The following DCP2 variants were observed in gnomAD, a reference collection of about 807,000 sequenced individuals.
DCP2 encodes m7GpppN-mRNA hydrolase.
A neutral mutation model predicts 56.1 loss-of-function variants in DCP2; 30 were observed. That is an observed-to-expected ratio of 0.53 (90% CI 0.40 to 0.73). DCP2 has a LOEUF of 0.73. DCP2 is among the 30% of genes least tolerant of loss of function. The probability of loss-of-function intolerance (pLI) is 0.00; values close to 1 mark genes in which losing one functional copy is unlikely to be tolerated. For missense variants in DCP2, 533 were observed against 502.7 expected, an observed-to-expected ratio of 1.06 and a Z score of -0.58; for synonymous variants, 197 against 163.3, an observed-to-expected ratio of 1.21 and a Z score of -1.57.
rs1005726176 is a variant in DCP2 at position 113,015,206 on chromosome 5, C to T, written c.*1722C>T. The T allele has an allele frequency of 2.0e-5, 3 of 151,902 alleles. No homozygotes were observed. The highest frequency in any genetic ancestry group is 4.8e-5 in the African/African-American group (2 of 41,388). 9.4% of individuals were successfully genotyped at this position (151,902 alleles called of 1,614,324 possible). A position where few individuals can be genotyped will look rare whatever the true frequency, so the allele number is the denominator to read the frequency against. On this transcript the variant is annotated 3_prime_UTR_variant, in exon 11 of 11. Transcript: ENST00000389063. Reference sequence around the variant, plus strand: ...TACGGCTGCTTTGCTTGGGTCTCTTCGAGCCATATTTATAGTTGGTCCCAG... The same window carrying T: ...TACGGCTGCTTTGCTTGGGTCTCTTTGAGCCATATTTATAGTTGGTCCCAG...
intron 1 of DCP2, among the ~76,000 whole-genome samples, chr5:112,978,141 T>C (rs1747810481): frequency 6.6e-6 from 1 of 152,184 alleles, no homozygotes; most frequent in South Asian, 2.1e-4. Context: ...CACACCCGGC[T>C]AATTTTTGTA....
At chr5:113,011,827 A>T (rs1749691237) in intron 10 of DCP2, among the ~76,000 whole-genome samples, 1 of 152,190 alleles carries the variant, frequency 6.6e-6, no homozygotes. Flanking sequence ...TTCTTCTAGG[A>T]ATGCTACAGT....
intron 2 of DCP2, among the ~76,000 whole-genome samples, chr5:112,989,127 A>G (rs1410352718): frequency 6.6e-6 from 1 of 152,210 alleles, no homozygotes; most frequent in Non-Finnish European, 1.5e-5. Context: ...CAGGAAAGGA[A>G]ATGATTACAG....
At chr5:113,008,476 C>CAGAAT (rs1554101555) in intron 9 of DCP2, among the ~76,000 whole-genome samples, 2 of 151,388 alleles carry the variant, frequency 1.3e-5, no homozygotes, top group African/African-American at 4.8e-5. Flanking sequence ...TGACAAATAA[C>CAGAAT]AAAGCAGTTT....
At chr5:113,008,408 TAG>T (rs1749538184) in intron 9 of DCP2, 2 of 161,342 alleles carry the variant, frequency 1.2e-5, no homozygotes, top group South Asian at 2.0e-4. Context: ...TTCAAGTTGA[TAG>T]AGTTTAGAAA....
intron 4 of DCP2, among the ~76,000 whole-genome samples, chr5:113,000,061 C>CA (rs60251393): frequency 0.2 from 18,290 of 89,694 alleles, 1,630 homozygotes; most frequent in Non-Finnish European, 0.23. Context: ...AACTCCATCT[C>CA]AAAAAAAAAA....
At chr5:113,005,087 C>T (rs192773694) in intron 8 of DCP2, among the ~76,000 whole-genome samples, 242 of 151,794 alleles carry the variant, frequency 1.6e-3, no homozygotes, top group South Asian at 2.7e-3. Context: ...CAAGATCGCG[C>T]CATTGCACTC....
chr5:112,980,785 G>T (rs570957071), intron 1 of DCP2, among the ~76,000 whole-genome samples: 1 of 151,994 alleles, frequency 6.6e-6, no homozygotes, highest in Non-Finnish European at 1.5e-5. Flanking sequence ...TTCTATTCCT[G>T]TTGAGGCATT....
At position 112,989,096 on chromosome 5, in the gene DCP2, C is replaced by G. The variant is rs562970078; in HGVS notation, c.206-3025C>G. ...GCAGTGAAGAGAGTAGACTCAGTAT[C>G]TTCAAGAAGATGAGAAAAGACAGGA... On this transcript the variant is annotated intron_variant, in intron 2 of 10. Coordinates refer to ENST00000389063, the MANE Select transcript of DCP2 (RefSeq NM_152624.6). Among the ~76,000 whole-genome samples the G allele has an allele frequency of 1.4e-4, 22 of 152,268 alleles. No individual in the cohort carries two copies. The South Asian group carries it at 4.6e-3, about 32-fold the overall frequency.
chr5:113,001,969 G>A (rs180746832), intron 7 of DCP2, among the ~76,000 whole-genome samples: 4 of 152,302 alleles, frequency 2.6e-5, no homozygotes, highest in Admixed American at 2.0e-4. Context: ...TGTGTTCTTA[G>A]TGTTACTTCT....
Position 112,992,473 on chromosome 5 carries a change from C to CT in DCP2, c.334-188dup, listed in dbSNP as rs893536273. The stretch of plus-strand genomic sequence containing the variant: ...AAAAGTGTCGCTTAATTGTTGAAGA[C>CT]TTTTTTTTTTTAAATGGGCAGAATG... On this transcript the variant is annotated intron_variant, in intron 3 of 10. Transcript: ENST00000389063. Among the ~76,000 whole-genome samples, 252 of 146,724 alleles carry CT rather than the reference C, an allele frequency of 1.7e-3. 2 individuals are homozygous for CT. The highest frequency in any genetic ancestry group is 5.4e-3 in the African/African-American group (215 of 40,162).
rs1561679705 is a variant in DCP2 at position 112,976,895 on chromosome 5, C to A, written c.-39C>A. 1 of 1,611,272 alleles carries A rather than the reference C, an allele frequency of 6.2e-7. No homozygotes were observed. On this transcript the variant is annotated 5_prime_UTR_variant, in exon 1 of 11. Coordinates refer to ENST00000389063, the MANE Select transcript of DCP2 (RefSeq NM_152624.6). ...GCCGTACCGTCAGTCCCCGGCCGCGCGGAGCCGGGATGCACTGTTCCTGCT... is the reference window on the plus strand; with the variant it reads ...GCCGTACCGTCAGTCCCCGGCCGCGAGGAGCCGGGATGCACTGTTCCTGCT...
At chr5:113,013,290 A>C (rs1158052737) in intron 10 of DCP2, 31 bp from the exon 11 acceptor site, 5 of 1,591,766 alleles carry the variant, frequency 3.1e-6, no homozygotes, top group Non-Finnish European at 4.3e-6. Context: ...AAGGTTACTG[A>C]GCTTATTTAT....
At chr5:112,985,344 G>T (rs1253898932) in intron 1 of DCP2, among the ~76,000 whole-genome samples, 3 of 152,174 alleles carry the variant, frequency 2.0e-5, no homozygotes, top group Non-Finnish European at 4.4e-5. Context: ...GTATTTGAAA[G>T]TTTGAACTGA....
chr5:113,003,727 A>T (rs935648506), intron 7 of DCP2, among the ~76,000 whole-genome samples: 1 of 152,236 alleles, frequency 6.6e-6, no homozygotes, highest in Non-Finnish European at 1.5e-5. Context: ...GTATTAATTC[A>T]TTCAAGAAAT....
chr5:112,991,298 C>G (rs1386898850), intron 2 of DCP2, among the ~76,000 whole-genome samples: 1 of 152,098 alleles, frequency 6.6e-6, no homozygotes, highest in African/African-American at 2.4e-5. Flanking sequence ...CATAAATTAT[C>G]ATTTTCTCTA....
chr5:112,988,024 T>C (rs928319568), intron 2 of DCP2, among the ~76,000 whole-genome samples: 1 of 152,118 alleles, frequency 6.6e-6, no homozygotes, highest in African/African-American at 2.4e-5. Flanking sequence ...TGAGCTGAAA[T>C]ACCCTCATTC....
At chr5:113,005,151 G>GGTGTGTGTGTGGGTGT (rs1554101208) in intron 8 of DCP2, among the ~76,000 whole-genome samples, 2 of 149,420 alleles carry the variant, frequency 1.3e-5, no homozygotes, top group Non-Finnish European at 3.0e-5. Flanking sequence ...TGTGCGTGTG[G>GGTGTGTGTGTGGGTGT]GTGTGTGTGT....
At chr5:112,982,103 G>C (rs1748033852) in intron 1 of DCP2, among the ~76,000 whole-genome samples, 1 of 152,034 alleles carries the variant, frequency 6.6e-6, no homozygotes, top group Non-Finnish European at 1.5e-5. Flanking sequence ...TTTTTTGAGG[G>C]GAGGGGACAG....
Sources: gnomAD v4.1 joint callset for allele counts (sites outside exome capture counted in the v4.1 genomes callset) on GRCh38, gnomAD v4.1.1 for gene constraint, MANE v1.5 for transcripts, NCBI Gene and HGNC (gene_info 2026-07-23, HGNC 2026-07-21) for gene names.